Variants in SLC9D1 observed in about 807,000 individuals in gnomAD.
The protein encoded by SLC9D1 is putative LAG1-interacting protein.
At chr13:113,495,884 A>G in the SLC9D1 span, 2 of 1,614,200 alleles carry the variant, frequency 1.2e-6, no homozygotes, top group South Asian at 1.1e-5. Flanking sequence ...TTTTCCAGAA[A>G]GAGCTGAATG....
At chr13:113,532,723 C>T in the SLC9D1 span, among the ~76,000 whole-genome samples, 2 of 152,316 alleles carry the variant, frequency 1.3e-5, no homozygotes, top group Non-Finnish European at 2.9e-5. Flanking sequence ...AAAGGGGCCT[C>T]TCTCTGAGTC....
At chr13:113,536,042 A>G in the SLC9D1 span, among the ~76,000 whole-genome samples, 221 of 152,334 alleles carry the variant, frequency 1.5e-3, no homozygotes, top group African/African-American at 5.0e-3. Flanking sequence ...AGGACTTTGT[A>G]TTACTCTTAA....
the SLC9D1 span, among the ~76,000 whole-genome samples, chr13:113,544,718 G>A: frequency 3.9e-5 from 6 of 152,350 alleles, no homozygotes; most frequent in East Asian, 1.2e-3. Flanking sequence ...TGTGTCATCC[G>A]TGGCTCAGCC....
the SLC9D1 span, among the ~76,000 whole-genome samples, chr13:113,536,965 C>T: frequency 6.6e-6 from 1 of 152,156 alleles, no homozygotes; most frequent in Admixed American, 6.5e-5. Context: ...CCTCCTTGCA[C>T]TTGCTCCAGG....
the SLC9D1 span, among the ~76,000 whole-genome samples, chr13:113,537,439 C>T: frequency 6.6e-6 from 1 of 152,248 alleles, no homozygotes; most frequent in Admixed American, 6.5e-5. Context: ...CCACGTCCTC[C>T]AGGCCTGGCC....
chr13:113,507,649 T>C, the SLC9D1 span, among the ~76,000 whole-genome samples: 2 of 152,254 alleles, frequency 1.3e-5, no homozygotes, highest in Non-Finnish European at 2.9e-5. Flanking sequence ...ACTTCAACTG[T>C]TCCTTAAACT....
At chr13:113,503,878 C>T in the SLC9D1 span, 4 of 334,304 alleles carry the variant, frequency 1.2e-5, no homozygotes, top group Non-Finnish European at 2.2e-5. Context: ...CTCTAAGGTG[C>T]GAAACTGTTA....
chr13:113,534,370 T>C, the SLC9D1 span: 2 of 766,906 alleles, frequency 2.6e-6, no homozygotes, highest in Non-Finnish European at 2.1e-6. Flanking sequence ...TAGTATTTTT[T>C]ATTTTATACA....
the SLC9D1 span, chr13:113,491,333 C>T: frequency 6.5e-6 from 1 of 152,696 alleles, no homozygotes; most frequent in Non-Finnish European, 1.5e-5. Flanking sequence ...TTCCCTCCCT[C>T]CCTGGGGCTC....
the SLC9D1 span, chr13:113,530,444 A>G: frequency 6.6e-6 from 1 of 152,196 alleles, no homozygotes; most frequent in Non-Finnish European, 1.5e-5. Flanking sequence ...GACTAGAAAT[A>G]TATATATGTA....
At chr13:113,520,831 A>G in the SLC9D1 span, 1 of 908,550 alleles carries the variant, frequency 1.1e-6, no homozygotes, top group South Asian at 1.5e-5. Context: ...TTCTGAGCTC[A>G]GATGGCTCAG....
At chr13:113,503,361 G>GAC in the SLC9D1 span, 151 of 602,942 alleles carry the variant, frequency 2.5e-4, no homozygotes, top group African/African-American at 3.7e-4. Flanking sequence ...GTGTGTGTGT[G>GAC]TGTGTGTGTG....
At chr13:113,526,362 A>C in the SLC9D1 span, among the ~76,000 whole-genome samples, 2 of 152,220 alleles carry the variant, frequency 1.3e-5, no homozygotes, top group Non-Finnish European at 2.9e-5. Context: ...CTTAAAGTTT[A>C]TAAAGTTAAA....
chr13:113,521,829 G>A, the SLC9D1 span, among the ~76,000 whole-genome samples: 1 of 152,192 alleles, frequency 6.6e-6, no homozygotes, highest in Admixed American at 6.5e-5. Flanking sequence ...ACTTAAAGTG[G>A]GATAGGACTG....
At chr13:113,523,129 T>G in the SLC9D1 span, among the ~76,000 whole-genome samples, 1 of 142,416 alleles carries the variant, frequency 7.0e-6, no homozygotes, top group South Asian at 2.1e-4. Context: ...TTTTTTTTTT[T>G]GATACTCTTT....
the SLC9D1 span, chr13:113,499,927 T>A: frequency 1.5e-6 from 2 of 1,333,918 alleles, no homozygotes; most frequent in Non-Finnish European, 2.0e-6. Context: ...ATTTAATGGA[T>A]TTTAATTGCA....
the SLC9D1 span, among the ~76,000 whole-genome samples, chr13:113,498,902 G>C: frequency 6.6e-6 from 1 of 151,958 alleles, no homozygotes; most frequent in Non-Finnish European, 1.5e-5. Context: ...TGGATCAGGG[G>C]TAGTCCATAG....
the SLC9D1 span, among the ~76,000 whole-genome samples, chr13:113,492,707 G>A: frequency 2.6e-5 from 4 of 152,202 alleles, no homozygotes; most frequent in Non-Finnish European, 5.9e-5. Flanking sequence ...AGACCAGCCT[G>A]GCCAACATGG....
chr13:113,518,921 A>T, the SLC9D1 span, among the ~76,000 whole-genome samples: 4 of 151,948 alleles, frequency 2.6e-5, no homozygotes, highest in African/African-American at 9.7e-5. Context: ...TAAAACAATT[A>T]CCTGAATCTC....
Sources: gnomAD v4.1 joint callset for allele counts (sites outside exome capture counted in the v4.1 genomes callset) on GRCh38, gnomAD v4.1.1 for gene constraint, MANE v1.5 for transcripts, NCBI Gene and HGNC (gene_info 2026-07-23, HGNC 2026-07-21) for gene names.